Variants in CUX2 observed in about 807,000 individuals in gnomAD.
The protein encoded by CUX2 is homeobox protein cut-like 2.
In CUX2, 40 loss-of-function variants were observed where a neutral mutation model predicts 144.8. The ratio of observed to expected loss-of-function variants is 0.28; its 90% confidence interval spans 0.21 to 0.36. The LOEUF (loss-of-function observed/expected upper bound fraction) is 0.36, where lower values mean the gene tolerates loss of function less well. Among genes scored for constraint, CUX2 ranks in the 10% least tolerant of loss-of-function variants. CUX2 has a pLI of 1.00. For missense variants in CUX2, 1,615 were observed against 1,994.0 expected, an observed-to-expected ratio of 0.81 and a Z score of 3.62; for synonymous variants, 827 against 875.6, an observed-to-expected ratio of 0.94 and a Z score of 0.98.
At chr12:111,272,005 A>G (rs776341057) in intron 4 of CUX2, among the ~76,000 whole-genome samples, 11 of 152,218 alleles carry the variant, frequency 7.2e-5, no homozygotes, top group Non-Finnish European at 1.5e-4. Context: ...AAGAAATCTT[A>G]GCAAATCTTT....
Position 111,336,713 on chromosome 12 carries a change from G to A in CUX2, c.3197-1573G>A, listed in dbSNP as rs536930646. Among the ~76,000 whole-genome samples, 4 of 152,048 alleles carry A rather than the reference G, an allele frequency of 2.6e-5. No individual in the cohort carries two copies. The Middle Eastern group carries it at 0.01, about 388-fold the overall frequency. On this transcript the variant is annotated intron_variant, in intron 19 of 21. Coordinates refer to ENST00000261726, the MANE Select transcript of CUX2 (RefSeq NM_015267.4). ...TCCTCCCGCCTCATCCTCCCAAAAT[G>A]CAGGGGTTACAGGTGTGAGCCACCG... is the stretch of plus-strand genomic sequence containing the variant.
At chr12:111,053,573 C>T (rs1870379705) in intron 1 of CUX2, among the ~76,000 whole-genome samples, 1 of 152,252 alleles carries the variant, frequency 6.6e-6, no homozygotes, top group Non-Finnish European at 1.5e-5. Context: ...ACTCCTCACA[C>T]TTCCCAGCAT....
chr12:111,039,501 G>A lies in CUX2; in HGVS notation c.63+5261G>A, dbSNP rs1047370685. On this transcript the variant is annotated intron_variant, in intron 1 of 21. Coordinates refer to ENST00000261726, the MANE Select transcript of CUX2 (RefSeq NM_015267.4). This position sits in a 1 kb window ranked among gnomAD's most constrained non-coding sequence, Gnocchi z 4.2. ...CTTTGCTGTACGAGTTATTGTAAAG[G>A]TGAAGGATGCTGACACCTTTGTGGG... 6.6e-6 allele frequency among the ~76,000 whole-genome samples: 1 copy of A among 152,134 alleles called. No individual in the cohort carries two copies. Among genetic ancestry groups the A allele is most frequent in the Non-Finnish European group, 1.5e-5 (1 of 68,018 alleles).
intron 1 of CUX2, among the ~76,000 whole-genome samples, chr12:111,129,149 T>C (rs1051744556): frequency 6.6e-6 from 1 of 152,262 alleles, no homozygotes; most frequent in East Asian, 1.9e-4. Flanking sequence ...GGAAGGCAGC[T>C]GAATTTTTGT....
intron 4 of CUX2, among the ~76,000 whole-genome samples, chr12:111,274,843 C>G (rs550362218): frequency 2.0e-5 from 3 of 152,206 alleles, no homozygotes; most frequent in East Asian, 1.9e-4. Flanking sequence ...TCTCGGACAG[C>G]CTTTCCGGCT....
Position 111,296,528 on chromosome 12 carries a change from G to T in CUX2, c.693G>T (p.Glu231Asp). 6.2e-7 allele frequency: 1 copy of T among 1,611,366 alleles called. No homozygotes were observed. Among genetic ancestry groups the T allele is most frequent in the South Asian group, 1.1e-5 (1 of 90,456 alleles). The change falls in exon 8 of 22, where the codon GAG becomes GAT. Residue 231 changes from glutamate to aspartate, a missense_variant. Glu to Asp is a conservative substitution (Grantham distance 45). Around this residue, in one of 12 missense-constraint regions of CUX2, gnomAD observed 295 missense variants for 400.2 expected, o/e 0.74. Coordinates refer to ENST00000261726, the MANE Select transcript of CUX2 (RefSeq NM_015267.4). ...AGCTGCGGCGGAAGTACGACGAGGA[G>T]GCAGCATCCAAGTAAGTGAGCCCTG... ...LLELRRKYDE[E>D]AASKADEVGL...
At chr12:111,086,579 G>A (rs78774511) in intron 1 of CUX2, among the ~76,000 whole-genome samples, 1,932 of 152,288 alleles carry the variant, frequency 0.013, 44 homozygotes, top group African/African-American at 0.044. Flanking sequence ...CAGACAGGGA[G>A]AGGAAGAAGG....
chr12:111,067,291 A>T (rs1030041511), intron 1 of CUX2, among the ~76,000 whole-genome samples: 5 of 152,204 alleles, frequency 3.3e-5, no homozygotes, highest in African/African-American at 1.2e-4. Flanking sequence ...ATTCTCTGGT[A>T]CTTTTCAGCT....
intron 1 of CUX2, among the ~76,000 whole-genome samples, chr12:111,081,190 G>A (rs1379167856): frequency 6.6e-6 from 1 of 152,122 alleles, no homozygotes; most frequent in Non-Finnish European, 1.5e-5. Flanking sequence ...CCCTACTGTT[G>A]TCCACCCAGA....
intron 4 of CUX2, among the ~76,000 whole-genome samples, chr12:111,276,417 G>A (rs973941478): frequency 2.0e-5 from 3 of 152,084 alleles, no homozygotes; most frequent in Non-Finnish European, 2.9e-5. Flanking sequence ...ATCATCTTTC[G>A]GAGGCATATG....
chr12:111,316,804 A>G (rs1887218942), intron 16 of CUX2, among the ~76,000 whole-genome samples: 1 of 152,094 alleles, frequency 6.6e-6, no homozygotes, highest in South Asian at 2.1e-4. Context: ...AGTCAGTGTT[A>G]TGCAACCATC....
intron 16 of CUX2, among the ~76,000 whole-genome samples, chr12:111,317,314 T>G (rs1887247039): frequency 1.3e-5 from 2 of 152,178 alleles, no homozygotes; most frequent in Admixed American, 1.3e-4. Flanking sequence ...AGGGCACAGA[T>G]CCATCTATTA....
chr12:111,144,918 G>A (rs1020988707), intron 1 of CUX2, among the ~76,000 whole-genome samples: 2 of 152,120 alleles, frequency 1.3e-5, no homozygotes, highest in Admixed American at 1.3e-4. Context: ...TGGGCTCTCT[G>A]GTCATACCTT....
intron 4 of CUX2, among the ~76,000 whole-genome samples, chr12:111,285,511 T>C (rs1046489438): frequency 6.6e-6 from 1 of 152,140 alleles, no homozygotes; most frequent in Non-Finnish European, 1.5e-5. Flanking sequence ...TTGACACATG[T>C]GAGAATCTTT....
At chr12:111,283,218 T>TA (rs35420677) in intron 4 of CUX2, among the ~76,000 whole-genome samples, 14,330 of 144,278 alleles carry the variant, frequency 0.099, 1,548 homozygotes, top group African/African-American at 0.28. Context: ...ACTCTTGTCT[T>TA]AAAAAAAAAA....
intron 20 of CUX2, among the ~76,000 whole-genome samples, chr12:111,338,748 C>T (rs1233907330): frequency 1.3e-5 from 2 of 151,918 alleles, no homozygotes; most frequent in East Asian, 3.9e-4. Context: ...GCTTGCAGAT[C>T]ACTTGGGAGG....
chr12:111,143,581 A>G (rs1171129322), intron 1 of CUX2, among the ~76,000 whole-genome samples: 1 of 152,240 alleles, frequency 6.6e-6, no homozygotes, highest in African/African-American at 2.4e-5. Flanking sequence ...CACTAGTATA[A>G]ACATTGTACT....
chr12:111,083,505 A>G (rs1411623890), intron 1 of CUX2, among the ~76,000 whole-genome samples: 5 of 152,148 alleles, frequency 3.3e-5, no homozygotes, highest in Non-Finnish European at 4.4e-5. Flanking sequence ...TTGGGGTGCC[A>G]TCCAGGGCTT....
At chr12:111,284,772 C>T (rs1487589948) in intron 4 of CUX2, among the ~76,000 whole-genome samples, 1 of 152,194 alleles carries the variant, frequency 6.6e-6, no homozygotes, top group African/African-American at 2.4e-5. Flanking sequence ...GCTCAAGTGA[C>T]GCTTTCACCT....
Sources: allele counts gnomAD v4.1 joint callset (sites outside exome capture counted in the v4.1 genomes callset), GRCh38; gene constraint gnomAD v4.1.1; regional missense constraint gnomAD v4.1.1; non-coding constraint Gnocchi (gnomAD v3.1); transcripts MANE v1.5; gene names NCBI Gene and HGNC (gene_info 2026-07-23, HGNC 2026-07-21).